Variants in FGF14 observed in about 807,000 individuals in gnomAD.
The protein encoded by FGF14 is fibroblast growth factor homologous factor 4.
In FGF14, 5 loss-of-function variants were observed where a neutral mutation model predicts 25.5. The observed-to-expected ratio is 0.20, with a 90% CI of 0.10 to 0.41. The LOEUF is 0.41. FGF14 is among the 10% of genes least tolerant of loss of function. The pLI, the probability that FGF14 is intolerant of heterozygous loss-of-function variation, is 1.00. For synonymous variants in FGF14, 138 were observed against 118.3 expected (o/e 1.17, Z -1.08); for missense variants, 222 against 320.1 (o/e 0.69, Z 2.34).
At chr13:102,124,709 G>C (rs1400827842) in intron 1 of FGF14, among the ~76,000 whole-genome samples, 2 of 151,996 alleles carry the variant, frequency 1.3e-5, no homozygotes, top group African/African-American at 4.8e-5. Context: ...TTAATGATCT[G>C]AGGCTTCCAA....
chr13:101,733,493 G>T (rs941534962), intron 3 of FGF14, among the ~76,000 whole-genome samples: 1 of 151,740 alleles, frequency 6.6e-6, no homozygotes, highest in African/African-American at 2.4e-5. Context: ...TACTCGGGAG[G>T]CTGAGGCAGG....
At chr13:102,064,530 A>G (rs913496146) in intron 1 of FGF14, among the ~76,000 whole-genome samples, 1 of 151,948 alleles carries the variant, frequency 6.6e-6, no homozygotes, top group Admixed American at 6.6e-5. Context: ...TAATATAAGT[A>G]AAACAATATA....
At chr13:102,291,245 T>A (rs927862404) in intron 1 of FGF14, among the ~76,000 whole-genome samples, 1 of 152,250 alleles carries the variant, frequency 6.6e-6, no homozygotes, top group Non-Finnish European at 1.5e-5. Context: ...CATTCCTTCA[T>A]GAACCATCAT....
chr13:101,763,736 C>T (rs1381843141), intron 3 of FGF14, among the ~76,000 whole-genome samples: 4 of 151,992 alleles, frequency 2.6e-5, no homozygotes, highest in African/African-American at 7.2e-5. Context: ...GATGCACACC[C>T]GTAATCCCAG....
intron 1 of FGF14, among the ~76,000 whole-genome samples, chr13:101,954,756 A>G (rs2036409056): frequency 6.6e-6 from 1 of 152,168 alleles, no homozygotes; most frequent in Admixed American, 6.5e-5. Flanking sequence ...GCACAGCCAT[A>G]AGATAAGCAA....
chr13:102,271,892 TCCTAA>T (rs754354257), intron 1 of FGF14, among the ~76,000 whole-genome samples: 3 of 152,148 alleles, frequency 2.0e-5, no homozygotes, highest in Non-Finnish European at 4.4e-5. Flanking sequence ...GTTGGTAGCC[TCCTAA>T]CCTAAGTCTC....
chr13:101,727,126 C>A (rs1002957659), intron 3 of FGF14, among the ~76,000 whole-genome samples: 3 of 152,054 alleles, frequency 2.0e-5, no homozygotes, highest in African/African-American at 7.2e-5. Flanking sequence ...ATTAAAGTAG[C>A]ATCAGATATT....
rs2035032711 is a variant in FGF14, at chr13:101,722,067, T to TATCA, written c.*760_*763dup. On this transcript the variant is annotated 3_prime_UTR_variant, in exon 5 of 5. Coordinates refer to ENST00000376143, the MANE Select transcript of FGF14 (RefSeq NM_004115.4). ...AAACTAGAGGGGGATGTCAAACACA[T>TATCA]ATCATAGAGAGCTTCCCTGGATTGT... 6.6e-6 allele frequency: 1 copy of TATCA among 152,418 alleles called. No individual in the cohort carries two copies. The highest frequency in any genetic ancestry group is 6.5e-5 in the Admixed American group (1 of 15,290). 9.4% of individuals were successfully genotyped at this position (152,418 alleles called of 1,614,324 possible).
At chr13:102,161,538 A>G (rs968099443) in intron 1 of FGF14, among the ~76,000 whole-genome samples, 1 of 150,040 alleles carries the variant, frequency 6.7e-6, no homozygotes, top group Non-Finnish European at 1.5e-5. Flanking sequence ...GTAAAATATC[A>G]ATATTCTCTA....
chr13:102,333,232 A>G (rs899020267), intron 1 of FGF14, among the ~76,000 whole-genome samples: 1 of 152,182 alleles, frequency 6.6e-6, no homozygotes, highest in African/African-American at 2.4e-5. Flanking sequence ...CCTTAACCCA[A>G]CGTGGCTCTC....
chr13:102,193,453 G>A (rs2049208810), intron 1 of FGF14, among the ~76,000 whole-genome samples: 1 of 152,166 alleles, frequency 6.6e-6, no homozygotes, highest in African/African-American at 2.4e-5. Context: ...CAACACACAT[G>A]TGCAGGAAGT....
chr13:101,754,827 A>C (rs1313152665), intron 3 of FGF14, among the ~76,000 whole-genome samples: 1 of 152,006 alleles, frequency 6.6e-6, no homozygotes, highest in Non-Finnish European at 1.5e-5. Context: ...CAAAATACTC[A>C]TAATAATGAT....
intron 1 of FGF14, among the ~76,000 whole-genome samples, chr13:102,362,872 ATAAC>A (rs1200872347): frequency 6.6e-6 from 1 of 152,218 alleles, no homozygotes; most frequent in Non-Finnish European, 1.5e-5. Flanking sequence ...GATTAAAATA[ATAAC>A]TATCTTTATC....
intron 1 of FGF14, among the ~76,000 whole-genome samples, chr13:102,183,259 A>C (rs1419901098): frequency 2.0e-5 from 3 of 152,180 alleles, no homozygotes; most frequent in Non-Finnish European, 2.9e-5. Flanking sequence ...AGAATTCAAA[A>C]TTTCTATTAT....
chr13:101,786,228 A>G (rs1284413481), intron 3 of FGF14, among the ~76,000 whole-genome samples: 1 of 152,226 alleles, frequency 6.6e-6, no homozygotes, highest in African/African-American at 2.4e-5. Context: ...TCTGTCTGTC[A>G]TCATGAACTA....
intron 1 of FGF14, among the ~76,000 whole-genome samples, chr13:101,983,239 C>T (rs894670090): frequency 1.3e-5 from 2 of 152,194 alleles, no homozygotes; most frequent in South Asian, 4.1e-4. Flanking sequence ...CCTGATAAAG[C>T]ATTCAGGATT....
chr13:101,973,119 C>CATTTTTTTTTTT (rs77590228), intron 1 of FGF14, among the ~76,000 whole-genome samples: 1 of 127,508 alleles, frequency 7.8e-6, no homozygotes, highest in Non-Finnish European at 1.7e-5. Flanking sequence ...AAGTGTGCTT[C>CATTTTTTTTTTT]TTTTTTTTTT....
chr13:102,060,786 G>A (rs1406225392), intron 1 of FGF14, among the ~76,000 whole-genome samples: 1 of 152,168 alleles, frequency 6.6e-6, no homozygotes, highest in African/African-American at 2.4e-5. Context: ...ATGGACCTAA[G>A]TGAGGACAAG....
At chr13:102,036,679 G>GGAGAAGGAGGAGGAT in intron 1 of FGF14, among the ~76,000 whole-genome samples, 1 of 152,056 alleles carries the variant, frequency 6.6e-6, no homozygotes, top group East Asian at 1.9e-4. Context: ...AGGAGAAGAA[G>GGAGAAGGAGGAGGAT]GAGAAGGAGG....
Sources: gnomAD v4.1 joint callset for allele counts (sites outside exome capture counted in the v4.1 genomes callset) on GRCh38, gnomAD v4.1.1 for gene constraint, MANE v1.5 for transcripts, NCBI Gene and HGNC (gene_info 2026-07-23, HGNC 2026-07-21) for gene names.